Variants in UNC80 observed in about 807,000 individuals in gnomAD.
UNC80 encodes the protein protein unc-80 homolog.
UNC80 carries 164 observed loss-of-function variants against 384.6 expected under a neutral mutation model. The observed-to-expected ratio is 0.43, with a 90% CI of 0.38 to 0.49. The LOEUF (loss-of-function observed/expected upper bound fraction) is 0.49. Among genes scored for constraint, UNC80 ranks in the 20% least tolerant of loss-of-function variants. The probability of loss-of-function intolerance (pLI) is 0.00; values close to 1 mark genes in which losing one functional copy is unlikely to be tolerated. For synonymous variants in UNC80, 1,486 were observed against 1,527.8 expected, an observed-to-expected ratio of 0.97 and a Z score of 0.64; for missense variants, 3,330 against 4,143.0, an observed-to-expected ratio of 0.80 and a Z score of 5.39.
chr2:209,914,151 T>C (rs2089262308), intron 31 of UNC80, among the ~76,000 whole-genome samples: 1 of 152,240 alleles, frequency 6.6e-6, no homozygotes, highest in African/African-American at 2.4e-5. Context: ...GTCTGCACCA[T>C]AGCATATGTC....
At chr2:209,860,532 G>T (rs2083273180) in intron 22 of UNC80, among the ~76,000 whole-genome samples, 1 of 152,044 alleles carries the variant, frequency 6.6e-6, no homozygotes, top group Non-Finnish European at 1.5e-5. Flanking sequence ...GCTATATGGG[G>T]TCTCCTTTGA....
Position 209,819,114 on chromosome 2 carries a change from C to T in UNC80, c.1815C>T (p.Ile605=), listed in dbSNP as rs1009972769. The change falls in exon 12 of 65, where the codon ATC becomes ATT. Residue 605 remains isoleucine, a synonymous_variant. Transcript: ENST00000673920. ...HMRKLCNQVP[I]PEMPHEPLAC... ...GGAAACTCTGCAACCAGGTGCCTAT[C>T]CCGGAGATGCCACATGAACCTCTGG... The T allele has an allele frequency of 1.3e-6, 2 of 1,552,098 alleles. No individual in the cohort carries two copies. Among genetic ancestry groups the T allele is most frequent in the African/African-American group, 2.7e-5 (2 of 73,046 alleles).
In UNC80 at chr2:209,993,427, G is replaced by C; in HGVS notation, c.9508+1G>C. 6.4e-7 allele frequency: 1 copy of C among 1,551,208 alleles called. No individual in the cohort carries two copies. Among genetic ancestry groups the C allele is most frequent in the Non-Finnish European group, 8.7e-7 (1 of 1,146,618 alleles). ...ATTCAACCTAAAACGAAGCCGTCTG[G>C]TGAGGCCTCCTGTGTCCCTTCTGAC... On this transcript the variant is annotated splice_donor_variant, in intron 63 of 64. Transcript: ENST00000673920. LOFTEE classifies it high-confidence loss of function.
chr2:209,844,613 A>C (rs1358474165), intron 21 of UNC80, among the ~76,000 whole-genome samples: 1 of 144,812 alleles, frequency 6.9e-6, no homozygotes, highest in Non-Finnish European at 1.5e-5. Flanking sequence ...TTTTTGAGAC[A>C]GGGTCTTCCC....
At chr2:209,809,820 G>A (rs2079201668) in intron 7 of UNC80, among the ~76,000 whole-genome samples, 1 of 152,230 alleles carries the variant, frequency 6.6e-6, no homozygotes, top group South Asian at 2.1e-4. Context: ...GGCCATGTCT[G>A]TGGATGGCTG....
chr2:209,835,035 A>G, intron 18 of UNC80, 25 bp downstream of exon 18: 1 of 1,514,352 alleles, frequency 6.6e-7, no homozygotes, highest in Non-Finnish European at 9.0e-7. Context: ...TTTTGTCTCC[A>G]GTGCAGACGG....
chr2:209,805,076 T>A (rs543100084), intron 7 of UNC80, among the ~76,000 whole-genome samples: 1 of 152,350 alleles, frequency 6.6e-6, no homozygotes, highest in Admixed American at 6.5e-5. Flanking sequence ...AGCTCATTAG[T>A]CTTTAACAGT....
intron 26 of UNC80, 23 bp downstream of exon 26, chr2:209,888,283 T>C: frequency 1.3e-6 from 2 of 1,550,660 alleles, no homozygotes; most frequent in South Asian, 1.2e-5. Flanking sequence ...AAAGGTTCCT[T>C]CATGTTTCAG....
At chr2:209,879,932 C>T (rs1032328853) in intron 24 of UNC80, among the ~76,000 whole-genome samples, 3 of 152,142 alleles carry the variant, frequency 2.0e-5, no homozygotes, top group African/African-American at 7.2e-5. Flanking sequence ...CAAATGAAAT[C>T]GTGAAGTATG....
intron 28 of UNC80, among the ~76,000 whole-genome samples, chr2:209,898,728 G>A (rs577336871): frequency 3.3e-5 from 5 of 151,682 alleles, no homozygotes; most frequent in Non-Finnish European, 7.4e-5. Flanking sequence ...CTATTTTTTT[G>A]TATTCATTAA....
intron 61 of UNC80, among the ~76,000 whole-genome samples, 180 bp from the exon 62 acceptor site, chr2:209,991,986 G>A (rs866857452): frequency 1.3e-5 from 2 of 152,276 alleles, no homozygotes; most frequent in East Asian, 3.9e-4. Flanking sequence ...GGGCTACAAG[G>A]CCTTGTCCTC....
At chr2:209,956,793 G>A (rs991174141) in intron 48 of UNC80, among the ~76,000 whole-genome samples, 2 of 152,024 alleles carry the variant, frequency 1.3e-5, no homozygotes, top group African/African-American at 4.8e-5. Context: ...GCCGTATAAT[G>A]TAACATAATC....
At chr2:209,954,340 A>G (rs773663287) in intron 48 of UNC80, 70 bp downstream of exon 48, 3 of 1,357,826 alleles carry the variant, frequency 2.2e-6, no homozygotes, top group Admixed American at 6.5e-5. Context: ...AAAATAAGAA[A>G]AAAATGTGAT....
rs1262732625 is a variant in UNC80, at chr2:209,994,221, C to T, written c.9665C>T (p.Pro3222Leu). The T allele has an allele frequency of 4.5e-6, 7 of 1,551,238 alleles. No homozygotes were observed. Among genetic ancestry groups the T allele is most frequent in the East Asian group, 2.4e-5 (1 of 40,858 alleles). Residue 3222 changes from proline to leucine, a missense_variant, in exon 64 of 65, where the codon CCC (proline) becomes CTC (leucine). Physicochemically the swap from Pro to Leu is moderately conservative, Grantham distance 98 (BLOSUM62 -3). Transcript: ENST00000673920. ...AMDEPVLTSS[P>L]AIVVADLHSV... ...GACGAACCAGTCCTCACATCTTCTC[C>T]CGCCATAGTTGTTGCGGATCTCCAC... is the stretch of plus-strand genomic sequence containing the variant.
intron 22 of UNC80, among the ~76,000 whole-genome samples, chr2:209,854,114 T>C (rs533235134): frequency 6.6e-6 from 1 of 152,208 alleles, no homozygotes; most frequent in South Asian, 2.1e-4. Flanking sequence ...TAATTCATAT[T>C]GGGGCTTAAC....
At chr2:209,936,786 C>T in intron 40 of UNC80, 58 bp from the exon 41 acceptor site, 1 of 1,224,044 alleles carries the variant, frequency 8.2e-7, no homozygotes, top group Non-Finnish European at 1.2e-6. Context: ...CACCTTACTA[C>T]CTAGCACATA....
chr2:209,816,864 C>G (rs1198407586), intron 9 of UNC80, 45 bp from the exon 10 acceptor site: 1 of 1,535,620 alleles, frequency 6.5e-7, no homozygotes, highest in Non-Finnish European at 8.8e-7. Context: ...AGATTGTAAC[C>G]TTTTCTTTGC....
At chr2:209,909,226 T>C (rs1355324894) in intron 29 of UNC80, among the ~76,000 whole-genome samples, 1 of 152,196 alleles carries the variant, frequency 6.6e-6, no homozygotes, top group African/African-American at 2.4e-5. Context: ...ATTCAATGAA[T>C]AGGCAAAATT....
chr2:209,837,713 C>T (rs1425381777), intron 18 of UNC80, among the ~76,000 whole-genome samples: 1 of 151,982 alleles, frequency 6.6e-6, no homozygotes, highest in African/African-American at 2.4e-5. Flanking sequence ...AGATTGTTTC[C>T]TCCTTTTTAA....
Sources: gnomAD v4.1 joint callset for allele counts (sites outside exome capture counted in the v4.1 genomes callset) on GRCh38, gnomAD v4.1.1 for gene constraint, MANE v1.5 for transcripts, NCBI Gene and HGNC (gene_info 2026-07-23, HGNC 2026-07-21) for gene names.